The following HS3ST5 variants were observed in gnomAD, a reference collection of about 807,000 sequenced individuals.
The protein encoded by HS3ST5 is heparan sulfate-glucosamine 3-sulfotransferase 5.
In HS3ST5, 10 loss-of-function variants were observed where a neutral mutation model predicts 25.4. The observed-to-expected ratio is 0.39, with a 90% CI of 0.24 to 0.67. The LOEUF is 0.67. Ranked by LOEUF, HS3ST5 falls within the 30% of genes least tolerant of loss-of-function variation. HS3ST5 has a pLI of 0.44. For missense variants in HS3ST5, 324 were observed against 420.7 expected (o/e 0.77, Z 2.01); for synonymous variants, 170 against 162.4 (o/e 1.05, Z -0.36).
At chr6:114,222,454 T>A (rs1782087122) in intron 2 of HS3ST5, among the ~76,000 whole-genome samples, 1 of 151,964 alleles carries the variant, frequency 6.6e-6, no homozygotes, top group Middle Eastern at 3.4e-3. Flanking sequence ...TAGGAATGGG[T>A]CTTGATTCTC....
chr6:114,173,588 G>A (rs1300108003), intron 2 of HS3ST5, among the ~76,000 whole-genome samples: 1 of 152,178 alleles, frequency 6.6e-6, no homozygotes, highest in Non-Finnish European at 1.5e-5. Context: ...GCTGGGCACG[G>A]TGGCTCATGC....
At chr6:114,296,960 G>T (rs574509215) in intron 1 of HS3ST5, among the ~76,000 whole-genome samples, 2 of 152,222 alleles carry the variant, frequency 1.3e-5, no homozygotes, top group South Asian at 4.1e-4. Flanking sequence ...TTGAAAGGGG[G>T]TCTTGCAGCA....
intron 1 of HS3ST5, among the ~76,000 whole-genome samples, chr6:114,260,340 A>T (rs1773117368): frequency 6.6e-6 from 1 of 152,222 alleles, no homozygotes; most frequent in African/African-American, 2.4e-5. Context: ...TATGGACTAT[A>T]AAAATTACTG....
At chr6:114,197,105 C>G (rs548435632) in intron 2 of HS3ST5, among the ~76,000 whole-genome samples, 1 of 150,212 alleles carries the variant, frequency 6.7e-6, no homozygotes, top group South Asian at 2.1e-4. Flanking sequence ...TTCCATGGAA[C>G]AGTGTTTTTT....
rs1162618320 is a variant in HS3ST5 at position 114,057,889 on chromosome 6, C to CA, written c.408dup (p.Glu137Ter). 1.2e-6 allele frequency: 2 copies of CA among 1,614,038 alleles called. No homozygotes were observed. The highest frequency in any genetic ancestry group is 2.7e-5 in the African/African-American group (2 of 74,906). On this transcript the variant is annotated frameshift_variant, in exon 5 of 5. Transcript: ENST00000312719. LOFTEE classifies it high-confidence loss of function. ...AAAGGCATCTTTTTCCTATACCACT[C>CA]AATGCCCTTACCATAATTCTCATCA... is the stretch of plus-strand genomic sequence containing the variant.
At chr6:114,140,626 A>G (rs1326569026) in intron 3 of HS3ST5, among the ~76,000 whole-genome samples, 1 of 152,242 alleles carries the variant, frequency 6.6e-6, no homozygotes, top group Admixed American at 6.5e-5. Context: ...CTGTGAATCC[A>G]ACACAGGGCA....
At chr6:114,251,982 C>G (rs1772684347) in intron 1 of HS3ST5, 1 of 152,196 alleles carries the variant, frequency 6.6e-6, no homozygotes, top group Admixed American at 6.5e-5. Context: ...TCTATTGTAT[C>G]CCAGCACCTA....
intron 3 of HS3ST5, among the ~76,000 whole-genome samples, chr6:114,105,068 C>T (rs532943589): frequency 6.6e-6 from 1 of 152,202 alleles, no homozygotes; most frequent in South Asian, 2.1e-4. Context: ...TCAATAGAAC[C>T]ACTGAGTAAC....
chr6:114,087,079 T>G (rs999871538), intron 3 of HS3ST5, among the ~76,000 whole-genome samples: 1 of 152,144 alleles, frequency 6.6e-6, no homozygotes, highest in African/African-American at 2.4e-5. Flanking sequence ...GGAAGTGCCC[T>G]CTTTCCTTGA....
rs750432536 is a variant in HS3ST5 at position 114,062,863 on chromosome 6, C to T, written c.-18G>A. On this transcript the variant is annotated 5_prime_UTR_variant, in exon 4 of 5. Transcript: ENST00000312719. ...AATAGCATGGCCCTCCATCAACCTT[C>T]AGGACTGCTGCAGCCTGCGATAGAA... 1 of 1,598,044 alleles carries T rather than the reference C, an allele frequency of 6.3e-7. No individual in the cohort carries two copies. Among genetic ancestry groups the T allele is most frequent in the Non-Finnish European group, 8.6e-7 (1 of 1,165,568 alleles).
chr6:114,067,351 T>A (rs1206620011), intron 3 of HS3ST5, among the ~76,000 whole-genome samples: 37 of 152,290 alleles, frequency 2.4e-4, no homozygotes, highest in Admixed American at 7.2e-4. Flanking sequence ...GACCTCATGG[T>A]TAAACTGTTT....
At chr6:114,178,190 G>GA (rs1388768300) in intron 2 of HS3ST5, among the ~76,000 whole-genome samples, 1 of 152,066 alleles carries the variant, frequency 6.6e-6, no homozygotes, top group Non-Finnish European at 1.5e-5. Context: ...AATAATACAG[G>GA]AAAATCAGGC....
chr6:114,204,906 C>T (rs1365734410), intron 2 of HS3ST5, among the ~76,000 whole-genome samples: 1 of 152,060 alleles, frequency 6.6e-6, no homozygotes, highest in Non-Finnish European at 1.5e-5. Context: ...ATTCTACCAG[C>T]TCTTGATAAG....
intron 1 of HS3ST5, among the ~76,000 whole-genome samples, chr6:114,308,022 T>A (rs1249410648): frequency 4.6e-5 from 7 of 152,082 alleles, no homozygotes; most frequent in Non-Finnish European, 1.0e-4. Flanking sequence ...AATATATTAA[T>A]TTGGAAATAA....
At chr6:114,119,699 T>C (rs1776690609) in intron 3 of HS3ST5, among the ~76,000 whole-genome samples, 1 of 152,202 alleles carries the variant, frequency 6.6e-6, no homozygotes, top group South Asian at 2.1e-4. Context: ...TACAATAATG[T>C]CACAAATAAT....
At chr6:114,226,919 A>G (rs993656547) in intron 2 of HS3ST5, among the ~76,000 whole-genome samples, 1 of 152,108 alleles carries the variant, frequency 6.6e-6, no homozygotes, top group East Asian at 1.9e-4. Flanking sequence ...AGAGATGAGT[A>G]AAGGTATGCT....
chr6:114,219,334 C>T (rs143778444), intron 2 of HS3ST5, among the ~76,000 whole-genome samples: 5 of 152,148 alleles, frequency 3.3e-5, no homozygotes, highest in Admixed American at 1.3e-4. Flanking sequence ...TATAGGTTTA[C>T]GTAGAGGGGA....
chr6:114,084,835 T>TTC (rs939154904), intron 3 of HS3ST5: 7 of 367,614 alleles, frequency 1.9e-5, no homozygotes, highest in Admixed American at 1.5e-4. Context: ...TTTCTTTTCT[T>TTC]TTTTTTTTTT....
At chr6:114,324,642 C>A (rs1017489072) in intron 1 of HS3ST5, among the ~76,000 whole-genome samples, 7 of 152,152 alleles carry the variant, frequency 4.6e-5, no homozygotes, top group African/African-American at 1.7e-4. Context: ...TTTTTATGTT[C>A]TTTGCCTCTT....
Sources: gnomAD v4.1 joint callset for allele counts (sites outside exome capture counted in the v4.1 genomes callset) on GRCh38, gnomAD v4.1.1 for gene constraint, MANE v1.5 for transcripts, NCBI Gene and HGNC (gene_info 2026-07-23, HGNC 2026-07-21) for gene names.